The following ITK variants were observed in gnomAD, a reference collection of about 807,000 sequenced individuals.
The protein encoded by ITK is tyrosine-protein kinase ITK/TSK.
In ITK, 45 loss-of-function variants were observed where a neutral mutation model predicts 87.6. That is an observed-to-expected ratio of 0.51 (90% CI 0.40 to 0.66). The LOEUF is 0.66. Ranked by LOEUF, ITK falls within the 30% of genes least tolerant of loss-of-function variation. ITK has a pLI of 0.00. For missense variants in ITK, 605 were observed against 766.3 expected (o/e 0.79, Z 2.48); for synonymous variants, 303 against 273.6 (o/e 1.11, Z -1.06).
chr5:157,195,588 C>G (rs1038801935), intron 1 of ITK: 2 of 152,228 alleles, frequency 1.3e-5, no homozygotes, highest in Admixed American at 6.5e-5. Context: ...TGTCCCAAGT[C>G]ACATTGCTGT....
chr5:157,238,995 C>G (rs542608266), intron 9 of ITK, among the ~76,000 whole-genome samples: 1 of 152,150 alleles, frequency 6.6e-6, no homozygotes, highest in Non-Finnish European at 1.5e-5. Flanking sequence ...GGAGCAAGGG[C>G]AGGTGGCAAA....
rs764684422 is a variant in ITK at position 157,248,952 on chromosome 5, A to G, written c.1736A>G (p.Lys579Arg). The change falls in exon 16 of 17, where the codon AAG (lysine) becomes AGG (arginine). Residue 579 changes from lysine to arginine, a missense_variant. Lys to Arg is a conservative substitution (Grantham distance 26). Transcript: ENST00000422843. ...EDISTGFRLYKPRLASTHVYQ... is the reference protein window; with the variant it reads ...EDISTGFRLYRPRLASTHVYQ... The stretch of plus-strand genomic sequence containing the variant: ...ATCAGTACCGGATTTCGGTTGTACA[A>G]GCCCCGGCTGGCCTCCACACACGTC... 9 of 1,613,832 alleles carry G rather than the reference A, an allele frequency of 5.6e-6. No homozygotes were observed. The African/African-American group carries it at 1.2e-4, about 22-fold the overall frequency.
intron 7 of ITK, among the ~76,000 whole-genome samples, chr5:157,231,253 A>G (rs924193957): frequency 2.6e-5 from 4 of 152,212 alleles, no homozygotes; most frequent in African/African-American, 9.6e-5. Context: ...AAGGCAAATC[A>G]TGACTCTCTT....
chr5:157,183,926 C>G (rs781509735), intron 1 of ITK, among the ~76,000 whole-genome samples: 3 of 152,056 alleles, frequency 2.0e-5, no homozygotes, highest in Non-Finnish European at 4.4e-5. Context: ...AAAAATCATG[C>G]CTATTGTCAT....
chr5:157,245,627 G>A (rs1292639726), intron 13 of ITK, 99 bp from the exon 14 acceptor site: 9 of 916,508 alleles, frequency 9.8e-6, no homozygotes, highest in African/African-American at 9.7e-5. Flanking sequence ...TGACAGCACT[G>A]CAGTAAAGCA....
At chr5:157,213,258 T>G (rs2113755150) in intron 3 of ITK, among the ~76,000 whole-genome samples, 1 of 152,278 alleles carries the variant, frequency 6.6e-6, no homozygotes, top group Middle Eastern at 3.4e-3. Flanking sequence ...AGAACTCACG[T>G]ATTATCACAA....
chr5:157,226,364 G>T (rs34366200), intron 6 of ITK, among the ~76,000 whole-genome samples: 2,487 of 151,806 alleles, frequency 0.016, 28 homozygotes, highest in Non-Finnish European at 0.027. Flanking sequence ...GGTGGCATAT[G>T]CTATTCAAAA....
At chr5:157,206,011 T>C (rs531337933) in intron 1 of ITK, among the ~76,000 whole-genome samples, 2 of 147,894 alleles carry the variant, frequency 1.4e-5, no homozygotes, top group Non-Finnish European at 3.0e-5. Context: ...AGTATTGCTC[T>C]GTCACCTATG....
chr5:157,181,156 TTA>T (rs1753506452), intron 1 of ITK, 41 bp downstream of exon 1: 3 of 1,609,910 alleles, frequency 1.9e-6, no homozygotes, highest in Non-Finnish European at 2.6e-6. Flanking sequence ...GCATAGCATT[TTA>T]TGTTTGGACT....
In ITK at chr5:157,181,107, C is replaced by T. The variant is rs774659403; in HGVS notation, c.130C>T (p.Arg44Cys). 1.2e-6 allele frequency: 2 copies of T among 1,614,042 alleles called. No homozygotes were observed. Among genetic ancestry groups the T allele is most frequent in the South Asian group, 1.1e-5 (1 of 91,088 alleles). Residue 44 changes from arginine (R) to cysteine (C), a missense_variant, in exon 1 of 17, where the codon CGT becomes TGT. Physicochemically the swap from Arg to Cys is radical, Grantham distance 180. Coordinates refer to ENST00000422843, the MANE Select transcript of ITK (RefSeq NM_005546.4). ...TKASLAYFED[R>C]HGKKRTLKGS... ...AGCCAGCCTGGCATACTTTGAAGAT[C>T]GTCATGGGGTATGTGAGCAGTTTCA...
chr5:157,193,008 G>A lies in ITK; in HGVS notation c.138+11893G>A, dbSNP rs554173474. Reference sequence around the variant, plus strand: ...GCATTACAGGATCTCTTGACGGCACGAGTTTGAGACCAGCCTGGGTAACAT... The same window carrying A: ...GCATTACAGGATCTCTTGACGGCACAAGTTTGAGACCAGCCTGGGTAACAT... On this transcript the variant is annotated intron_variant, in intron 1 of 16. Coordinates refer to ENST00000422843, the MANE Select transcript of ITK (RefSeq NM_005546.4). Among the ~76,000 whole-genome samples, 7 of 152,200 alleles carry A rather than the reference G, an allele frequency of 4.6e-5. No homozygotes were observed. In the South Asian group the frequency reaches 1.5e-3, roughly 32 times the overall value.
intron 5 of ITK, among the ~76,000 whole-genome samples, chr5:157,220,042 AATC>A (rs1365229318): frequency 6.6e-6 from 1 of 152,208 alleles, no homozygotes; most frequent in African/African-American, 2.4e-5. Context: ...AGCCACTTGA[AATC>A]ATTTCTCTCC....
chr5:157,220,811 T>C (rs947661887), intron 5 of ITK, among the ~76,000 whole-genome samples: 6 of 152,220 alleles, frequency 3.9e-5, no homozygotes, highest in Non-Finnish European at 7.3e-5. Flanking sequence ...AATTTATAAC[T>C]AATATAACAT....
Position 157,245,736 on chromosome 5 carries a change from ATTGT to A in ITK, c.1464_1467del (p.Cys488TrpfsTer15). ...CTGTCTCCTCTCCAGGCTGCCAGAA[ATTGT>A]TTGGTGGGAGAAAACCAAGTCATCA... On this transcript the variant is annotated frameshift_variant, in exon 14 of 17. Transcript: ENST00000422843. LOFTEE classifies it high-confidence loss of function. The A allele has an allele frequency of 6.2e-7, 1 of 1,614,146 alleles. No homozygotes were observed. Among genetic ancestry groups the A allele is most frequent in the Non-Finnish European group, 8.5e-7 (1 of 1,180,010 alleles).
intron 1 of ITK, among the ~76,000 whole-genome samples, chr5:157,185,621 G>A (rs1213448031): frequency 6.6e-6 from 1 of 151,734 alleles, no homozygotes; most frequent in South Asian, 2.1e-4. Flanking sequence ...CTAGGTGGGC[G>A]GATCACTTGA....
chr5:157,203,570 G>A (rs1754018811), intron 1 of ITK, among the ~76,000 whole-genome samples: 1 of 152,186 alleles, frequency 6.6e-6, no homozygotes, highest in South Asian at 2.1e-4. Flanking sequence ...ACCCAACAGA[G>A]GTCAAAACAC....
intron 5 of ITK, among the ~76,000 whole-genome samples, chr5:157,218,353 T>A (rs965781426): frequency 2.0e-5 from 3 of 151,804 alleles, no homozygotes; most frequent in African/African-American, 7.3e-5. Context: ...AAAAAATTTT[T>A]AAAAATTAGC....
Position 157,241,668 on chromosome 5 carries a change from T to C in ITK, c.1008T>C (p.Tyr336=). Residue 336 remains tyrosine (Y), a synonymous_variant, in exon 11 of 17, where the codon TAT becomes TAC. Transcript: ENST00000422843. ...NGGGLVTRLR[Y]PVCFGRQKAP... ...CAGGCCTGGTGACTCGACTCCGGTA[T>C]CCAGTTTGTTTTGGGAGGCAGAAAG... 6.2e-7 allele frequency: 1 copy of C among 1,614,022 alleles called. No homozygotes were observed. Among genetic ancestry groups the C allele is most frequent in the Non-Finnish European group, 8.5e-7 (1 of 1,179,904 alleles).
At chr5:157,182,063 T>C (rs2113733203) in intron 1 of ITK, among the ~76,000 whole-genome samples, 1 of 152,340 alleles carries the variant, frequency 6.6e-6, no homozygotes, top group South Asian at 2.1e-4. Context: ...CTTCAAAACT[T>C]CTTTGCTTTA....
Sources: allele counts gnomAD v4.1 joint callset (sites outside exome capture counted in the v4.1 genomes callset), GRCh38; gene constraint gnomAD v4.1.1; transcripts MANE v1.5; gene names NCBI Gene and HGNC (gene_info 2026-07-23, HGNC 2026-07-21).